Variants in CHODL observed in about 807,000 individuals in gnomAD.
CHODL encodes the protein chondrolectin, also known as transmembrane protein MT75.
Under a neutral mutation model 34.5 loss-of-function variants are expected in CHODL, and 29 were observed. That is an observed-to-expected ratio of 0.84 (90% CI 0.63 to 1.15). The LOEUF is 1.15. CHODL is among the 50% of genes most tolerant of loss of function. The pLI is 0.00. For synonymous variants in CHODL, 125 were observed against 116.1 expected (o/e 1.08, Z -0.49); for missense variants, 332 against 332.5 (o/e 1.00, Z 0.01).
intron 1 of CHODL, among the ~76,000 whole-genome samples, chr21:17,967,889 A>G (rs773584857): frequency 6.6e-6 from 1 of 152,146 alleles, no homozygotes; most frequent in Non-Finnish European, 1.5e-5. Flanking sequence ...GTCAGGACCA[A>G]TGCCTACCTT....
chr21:18,074,501 A>G (rs966625035), intron 2 of CHODL, among the ~76,000 whole-genome samples: 4 of 152,188 alleles, frequency 2.6e-5, no homozygotes, highest in East Asian at 1.9e-4. Flanking sequence ...AGACATTGCT[A>G]TAAAGAATAG....
chr21:17,944,058 A>G (rs538344695), intron 1 of CHODL, among the ~76,000 whole-genome samples: 1 of 151,764 alleles, frequency 6.6e-6, no homozygotes, highest in African/African-American at 2.4e-5. Context: ...GGATGATGGA[A>G]ATCATAATCT....
intron 2 of CHODL, among the ~76,000 whole-genome samples, chr21:18,161,841 C>G (rs540782217): frequency 6.6e-6 from 1 of 152,142 alleles, no homozygotes; most frequent in East Asian, 1.9e-4. Flanking sequence ...GCTGAAAGCT[C>G]CTAAGGGTAG....
chr21:17,958,285 TTA>T (rs1187202072), intron 1 of CHODL, among the ~76,000 whole-genome samples: 1 of 152,184 alleles, frequency 6.6e-6, no homozygotes, highest in Non-Finnish European at 1.5e-5. Context: ...TCATTATATT[TTA>T]TGTTTTTTGC....
rs189363106 is a variant in CHODL at position 17,922,863 on chromosome 21, C to T, written c.-145+5463C>T. Among the ~76,000 whole-genome samples the T allele has an allele frequency of 1.2e-4, 18 of 152,220 alleles. No homozygotes were observed. The South Asian group carries it at 1.7e-3, about 14-fold the overall frequency. ...GACAGCCTCAGGAGTCCTGAAGACA[C>T]GTGCCCAAGGTGGTCAGAGCACAGC... On this transcript the variant is annotated intron_variant, in intron 1 of 6. Transcript: ENST00000400127.
chr21:18,127,461 A>C (rs2146587679), intron 2 of CHODL, among the ~76,000 whole-genome samples: 1 of 152,272 alleles, frequency 6.6e-6, no homozygotes, highest in East Asian at 1.9e-4. Flanking sequence ...AATCTATTAA[A>C]AATCTGTATG....
At chr21:18,265,288 TACACACAC>T (rs563361586) in intron 5 of CHODL, among the ~76,000 whole-genome samples, 2 of 139,922 alleles carry the variant, frequency 1.4e-5, no homozygotes, top group Non-Finnish European at 3.1e-5. Context: ...TGTATATATA[TACACACAC>T]ACACACACAC....
chr21:17,972,849 A>G (rs1466970252), intron 1 of CHODL, among the ~76,000 whole-genome samples: 1 of 152,242 alleles, frequency 6.6e-6, no homozygotes, highest in African/African-American at 2.4e-5. Flanking sequence ...ATTGTAAGCA[A>G]AAAGAACAAA....
chr21:18,018,797 T>C (rs979264202), intron 1 of CHODL, among the ~76,000 whole-genome samples: 1 of 152,198 alleles, frequency 6.6e-6, no homozygotes, highest in Non-Finnish European at 1.5e-5. Context: ...CAGCCTACAG[T>C]CCTACACGTG....
intron 2 of CHODL, among the ~76,000 whole-genome samples, chr21:18,193,906 C>T (rs548580960): frequency 1.3e-5 from 2 of 151,994 alleles, no homozygotes; most frequent in African/African-American, 2.4e-5. Flanking sequence ...AACCTGCCCC[C>T]CCTTGGTAAA....
chr21:18,260,826 C>T (rs1226340351), intron 4 of CHODL, among the ~76,000 whole-genome samples: 1 of 141,576 alleles, frequency 7.1e-6, no homozygotes, highest in Non-Finnish European at 1.5e-5. Context: ...AAGCAAACAA[C>T]AACAACAACA....
chr21:18,245,593 T>C (rs2074130418), intron 1 of CHODL, among the ~76,000 whole-genome samples: 1 of 152,100 alleles, frequency 6.6e-6, no homozygotes, highest in Admixed American at 6.5e-5. Flanking sequence ...CCACTTTCTT[T>C]GTGAGAGAGT....
At chr21:18,247,358 A>G (rs2146784220) in intron 1 of CHODL, among the ~76,000 whole-genome samples, 1 of 152,248 alleles carries the variant, frequency 6.6e-6, no homozygotes, top group South Asian at 2.1e-4. Context: ...TTTCAGTACA[A>G]CAATTTATAA....
chr21:18,263,520 A>G (rs187864445), intron 5 of CHODL, among the ~76,000 whole-genome samples: 150 of 152,268 alleles, frequency 9.9e-4, no homozygotes, highest in Admixed American at 2.0e-3. Flanking sequence ...CCCTTGGGTT[A>G]GAGAAGTTTT....
chr21:18,248,263 A>G (rs1488970406), intron 1 of CHODL, among the ~76,000 whole-genome samples: 1 of 151,798 alleles, frequency 6.6e-6, no homozygotes, highest in Non-Finnish European at 1.5e-5. Flanking sequence ...TAGCACATAC[A>G]TTAATACAAT....
At chr21:18,075,862 C>T (rs917699763) in intron 2 of CHODL, among the ~76,000 whole-genome samples, 2 of 152,082 alleles carry the variant, frequency 1.3e-5, no homozygotes, top group African/African-American at 2.4e-5. Context: ...GCAGGACTGT[C>T]GTGAGTAGGA....
chr21:17,935,580 G>A (rs1186523396), intron 1 of CHODL, among the ~76,000 whole-genome samples: 2 of 152,176 alleles, frequency 1.3e-5, no homozygotes, highest in African/African-American at 2.4e-5. Context: ...AGTGACAAAT[G>A]TCAAGAATTA....
intron 2 of CHODL, among the ~76,000 whole-genome samples, chr21:18,135,582 T>C (rs1207189548): frequency 1.3e-5 from 2 of 152,184 alleles, no homozygotes; most frequent in Non-Finnish European, 2.9e-5. Context: ...TTTTAATTCT[T>C]GGAAGTCTTT....
chr21:18,236,282 TA>T (rs1184618259), intron 2 of CHODL, among the ~76,000 whole-genome samples: 1 of 152,060 alleles, frequency 6.6e-6, no homozygotes, highest in Non-Finnish European at 1.5e-5. Context: ...GAGACTAGCA[TA>T]AGGGAAAACC....
Sources: allele counts gnomAD v4.1 joint callset (sites outside exome capture counted in the v4.1 genomes callset), GRCh38; gene constraint gnomAD v4.1.1; transcripts MANE v1.5; gene names NCBI Gene and HGNC (gene_info 2026-07-23, HGNC 2026-07-21).